MYBL2: variants seen among roughly 807,000 people sequenced by gnomAD.
MYBL2 encodes the protein MYB proto-oncogene like 2.
MYBL2 carries 28 observed loss-of-function variants against 79.9 expected under a neutral mutation model. The ratio of observed to expected loss-of-function variants is 0.35; its 90% CI spans 0.26 to 0.48. The LOEUF is 0.48. Ranked by LOEUF, MYBL2 falls within the 20% of genes least tolerant of loss-of-function variation. The pLI is 0.99. For missense variants in MYBL2, 735 were observed against 893.9 expected (o/e 0.82, Z 2.27); for synonymous variants, 378 against 361.2 (o/e 1.05, Z -0.53).
rs111283547 is a variant in MYBL2 at position 43,702,538 on chromosome 20, C to G, written c.1000C>G (p.Pro334Ala). The change falls in exon 8 of 14, where the codon CCA (proline) becomes GCA (alanine). Residue 334 changes from proline to alanine, a missense_variant. Transcript: ENST00000217026. ...DLSKFDLPEE[P>A]SAEDSINNSL... ...GAGTAAATTTGACCTCCCTGAGGAA[C>G]CATCTGCAGAGGACAGTATCAACAA... 7.4e-6 allele frequency: 12 copies of G among 1,612,180 alleles called. No individual in the cohort carries two copies. Among genetic ancestry groups the G allele is most frequent in the Middle Eastern group, 1.7e-4 (1 of 6,056 alleles).
intron 1 of MYBL2, among the ~76,000 whole-genome samples, chr20:43,670,607 T>C (rs1183215588): frequency 2.6e-5 from 4 of 152,164 alleles, no homozygotes; most frequent in African/African-American, 9.6e-5. Context: ...AAGGTGGAGC[T>C]GACCTTTGTA....
Position 43,686,522 on chromosome 20 carries a change from A to C in MYBL2, c.280-330A>C, listed in dbSNP as rs572185209. 4.1e-3 allele frequency among the ~76,000 whole-genome samples: 624 copies of C among 152,060 alleles called. 6 individuals are homozygous for C. Among genetic ancestry groups the C allele is most frequent in the African/African-American group, 0.014 (581 of 41,464 alleles). On this transcript the variant is annotated intron_variant, in intron 4 of 13. Coordinates refer to ENST00000217026, the MANE Select transcript of MYBL2 (RefSeq NM_002466.4). ...CCCTCTGCTCTTTTCTACTTAGCTTATTGGGTTGAGCCCTGGAGAGGGAAG... is the reference window on the plus strand; with the variant it reads ...CCCTCTGCTCTTTTCTACTTAGCTTCTTGGGTTGAGCCCTGGAGAGGGAAG...
At chr20:43,670,772 A>G (rs1271736841) in intron 1 of MYBL2, among the ~76,000 whole-genome samples, 1 of 152,116 alleles carries the variant, frequency 6.6e-6, no homozygotes. Flanking sequence ...GCCTTCTTTC[A>G]TTTGTTTCAT....
At position 43,674,232 on chromosome 20, in the gene MYBL2, C is replaced by CCA. The variant is rs1555809927; in HGVS notation, c.114+334_114+335insAC. ...TTGGCCAAATCTGTAACTCCCCCCA[C>CCA]CCTTTTTTTTTTTTTTTTTTTGAGA... On this transcript the variant is annotated intron_variant, in intron 2 of 13. Coordinates refer to ENST00000217026, the MANE Select transcript of MYBL2 (RefSeq NM_002466.4). 3.3e-4 allele frequency among the ~76,000 whole-genome samples: 37 copies of CCA among 111,352 alleles called. 5 individuals carry two copies. In the South Asian group the frequency reaches 0.014, roughly 41 times the overall value. 73.1% of individuals were successfully genotyped at this position (111,352 alleles called of 152,430 possible).
At chr20:43,705,144 C>T (rs758428009) in intron 8 of MYBL2, 75 bp from the exon 9 acceptor site, 19 of 1,553,148 alleles carry the variant, frequency 1.2e-5, no homozygotes, top group East Asian at 2.3e-5. Context: ...GGATCTCTCC[C>T]CATGATCCCC....
chr20:43,690,697 G>A (rs762456152), intron 5 of MYBL2, among the ~76,000 whole-genome samples: 1 of 152,148 alleles, frequency 6.6e-6, no homozygotes, highest in Non-Finnish European at 1.5e-5. Context: ...CAAGGAAAGA[G>A]TATTCTGCTT....
At chr20:43,681,908 A>G in intron 3 of MYBL2, 53 bp downstream of exon 3, 2 of 1,588,656 alleles carry the variant, frequency 1.3e-6, no homozygotes, top group Non-Finnish European at 1.7e-6. Context: ...CTGGGAGAAC[A>G]GTGTGCCTGG....
chr20:43,702,447 A>G, intron 7 of MYBL2, 43 bp from the exon 8 acceptor site: 2 of 1,538,886 alleles, frequency 1.3e-6, no homozygotes, highest in Non-Finnish European at 1.8e-6. Context: ...CTCTTGTATT[A>G]AGAGCATAGT....
intron 6 of MYBL2, 96 bp downstream of exon 6, chr20:43,692,415 G>GC: frequency 1.3e-6 from 2 of 1,492,818 alleles, no homozygotes; most frequent in Non-Finnish European, 1.8e-6. Context: ...GTCAGTTTCT[G>GC]CCACAGAGTC....
chr20:43,698,878 C>G (rs1326630231), intron 6 of MYBL2, among the ~76,000 whole-genome samples: 1 of 118,992 alleles, frequency 8.4e-6, no homozygotes, highest in African/African-American at 3.2e-5. Flanking sequence ...TGTTGTGTTG[C>G]CCAGGCTGGA....
intron 2 of MYBL2, among the ~76,000 whole-genome samples, chr20:43,674,109 T>C (rs1481984736): frequency 2.0e-5 from 3 of 151,948 alleles, no homozygotes; most frequent in Non-Finnish European, 4.4e-5. Flanking sequence ...AGGGGATGTG[T>C]GTCCTAGACC....
At chr20:43,682,502 G>A (rs576420738) in intron 3 of MYBL2, among the ~76,000 whole-genome samples, 3 of 152,370 alleles carry the variant, frequency 2.0e-5, no homozygotes, top group Admixed American at 2.0e-4. Flanking sequence ...AAAAGCAGGG[G>A]TCCCTGACGT....
At chr20:43,707,104 C>T (rs192034307) in intron 9 of MYBL2, among the ~76,000 whole-genome samples, 1 of 151,368 alleles carries the variant, frequency 6.6e-6, no homozygotes, top group Admixed American at 6.6e-5. Flanking sequence ...TGCTTGAGCC[C>T]AGGAGTTTGA....
At chr20:43,715,435 T>C in intron 13 of MYBL2, 152 bp downstream of exon 13, 1 of 1,330,608 alleles carries the variant, frequency 7.5e-7, no homozygotes, top group Non-Finnish European at 1.0e-6. Flanking sequence ...CTTTTCCTGC[T>C]ACTTCCCGTG....
chr20:43,685,057 G>C (rs1987237715), intron 4 of MYBL2, among the ~76,000 whole-genome samples: 1 of 150,820 alleles, frequency 6.6e-6, no homozygotes, highest in South Asian at 2.1e-4. Context: ...TGAGGCAGGA[G>C]AATCACCTGA....
intron 11 of MYBL2, 36 bp from the exon 12 acceptor site, chr20:43,712,966 A>G (rs746230290): frequency 6.6e-7 from 1 of 1,523,780 alleles, no homozygotes; most frequent in Non-Finnish European, 9.0e-7. Flanking sequence ...GAATCCAGAC[A>G]CTCACCCTAA....
intron 1 of MYBL2, among the ~76,000 whole-genome samples, chr20:43,668,544 G>A (rs752704414): frequency 9.9e-5 from 15 of 152,012 alleles, no homozygotes; most frequent in Non-Finnish European, 1.6e-4. Context: ...TAAAGATGAA[G>A]CCTTCCATCC....
intron 4 of MYBL2, among the ~76,000 whole-genome samples, chr20:43,685,468 A>C (rs1055765832): frequency 7.9e-5 from 12 of 152,154 alleles, no homozygotes; most frequent in Admixed American, 7.8e-4. Context: ...GGTGTGAGCC[A>C]CCGGGCCTGG....
At chr20:43,703,333 GGGCTT>G (rs1233997182) in intron 8 of MYBL2, among the ~76,000 whole-genome samples, 1 of 152,232 alleles carries the variant, frequency 6.6e-6, no homozygotes, top group Admixed American at 6.5e-5. Context: ...TGCTGGGGAT[GGGCTT>G]GTAATGAATT....
Sources: gnomAD v4.1 joint callset for allele counts (sites outside exome capture counted in the v4.1 genomes callset) on GRCh38, gnomAD v4.1.1 for gene constraint, MANE v1.5 for transcripts, NCBI Gene and HGNC (gene_info 2026-07-23, HGNC 2026-07-21) for gene names.